ATP11A: variants seen among roughly 807,000 people sequenced by gnomAD.
ATP11A encodes phospholipid-transporting ATPase IH.
In ATP11A, 81 loss-of-function variants were observed where a neutral mutation model predicts 154.4. That is an observed-to-expected ratio of 0.52 (90% CI 0.44 to 0.63). The LOEUF (loss-of-function observed/expected upper bound fraction) is 0.63. ATP11A is among the 30% of genes least tolerant of loss of function. ATP11A has a pLI of 0.00. For synonymous variants in ATP11A, 623 were observed against 585.9 expected (o/e 1.06, Z -0.91); for missense variants, 1,316 against 1,474.3 (o/e 0.89, Z 1.76).
chr13:112,822,928 C>T (rs898513132), intron 8 of ATP11A, among the ~76,000 whole-genome samples: 1 of 152,142 alleles, frequency 6.6e-6, no homozygotes, highest in Non-Finnish European at 1.5e-5. Flanking sequence ...CTCGGTAGGC[C>T]TGGGACGATC....
At chr13:112,861,898 A>ATC (rs1481546284) in intron 24 of ATP11A, among the ~76,000 whole-genome samples, 1 of 151,774 alleles carries the variant, frequency 6.6e-6, no homozygotes, top group Non-Finnish European at 1.5e-5. Flanking sequence ...ATGGGAATAA[A>ATC]TCTAAGAAAA....
rs955084647 is a variant in ATP11A at position 112,696,402 on chromosome 13, C to T, written c.39+5947C>T. 4.6e-5 allele frequency among the ~76,000 whole-genome samples: 7 copies of T among 152,098 alleles called. No homozygotes were observed. The highest frequency in any genetic ancestry group is 7.4e-5 in the Non-Finnish European group (5 of 68,018). On this transcript the variant is annotated intron_variant, in intron 1 of 29. Transcript: ENST00000375645. The surrounding 1 kb of genome is among the most constrained non-coding windows in gnomAD (Gnocchi z 6.2). Reference sequence around the variant, plus strand: ...CACTGGTGGGAACGCCCCTGCCACGCCCAGCAGCCTTTCTGCCTCTGCGCT... The same window carrying T: ...CACTGGTGGGAACGCCCCTGCCACGTCCAGCAGCCTTTCTGCCTCTGCGCT...
Position 112,882,206 on chromosome 13 carries a change from TG to T in ATP11A, c.*342del, listed in dbSNP as rs2080903138. On this transcript the variant is annotated 3_prime_UTR_variant, in exon 30 of 30. Coordinates refer to ENST00000375645, the MANE Select transcript of ATP11A (RefSeq NM_015205.3). This position sits in a 1 kb window ranked among gnomAD's most constrained non-coding sequence, Gnocchi z 5.1. ...CACTGTGGTTGTTGAGCCACACCAG[TG>T]GCCTCTGGGCATTCGGCTCAACGCA... The T allele has an allele frequency of 9.0e-7, 1 of 1,109,750 alleles. No homozygotes were observed. Among genetic ancestry groups the T allele is most frequent in the East Asian group, 4.9e-5 (1 of 20,490 alleles). 68.7% of individuals were successfully genotyped at this position (1,109,750 alleles called of 1,614,324 possible). A position where few individuals can be genotyped will look rare whatever the true frequency, so the allele number is the denominator to read the frequency against.
intron 2 of ATP11A, among the ~76,000 whole-genome samples, chr13:112,798,832 A>G (rs1594736160): frequency 6.6e-6 from 1 of 152,260 alleles, no homozygotes; most frequent in South Asian, 2.1e-4. Flanking sequence ...CTATATTAAT[A>G]ATCACTTTAA....
intron 1 of ATP11A, among the ~76,000 whole-genome samples, chr13:112,716,870 G>T (rs977217893): frequency 6.6e-6 from 1 of 152,128 alleles, no homozygotes; most frequent in Non-Finnish European, 1.5e-5. Flanking sequence ...AGATGGCTAT[G>T]TGCAAAATAA....
intron 1 of ATP11A, among the ~76,000 whole-genome samples, chr13:112,765,150 C>A (rs529228887): frequency 1.8e-5 from 1 of 56,520 alleles, no homozygotes; most frequent in Non-Finnish European, 3.5e-5. Context: ...CTTGCCCCCC[C>A]TCCCCCCCGC....
In ATP11A at chr13:112,858,396, G is replaced by A. The variant is rs578232846; in HGVS notation, c.2667+106G>A. 5.5e-4 allele frequency: 649 copies of A among 1,186,024 alleles called. 13 individuals are homozygous for A. In the South Asian group the frequency reaches 8.0e-3, roughly 15 times the overall value. The allele number at this position is 1,186,024 out of a possible 1,614,324, so 73.5% of individuals were successfully genotyped here. On this transcript the variant is annotated intron_variant, in intron 22 of 29. Transcript: ENST00000375645. ...ATGCCACAAGAGGTCATTGATCTCCGAGGAGCAGCAACTGTCAGAAAGGAA... is the reference window on the plus strand; with the variant it reads ...ATGCCACAAGAGGTCATTGATCTCCAAGGAGCAGCAACTGTCAGAAAGGAA...
chr13:112,852,780 G>T (rs1043390057), intron 18 of ATP11A, among the ~76,000 whole-genome samples: 1 of 128,260 alleles, frequency 7.8e-6, no homozygotes, highest in Non-Finnish European at 1.7e-5. Context: ...TTAATGCCTG[G>T]TTGGCGGGGG....
intron 1 of ATP11A, among the ~76,000 whole-genome samples, chr13:112,756,046 G>A (rs768476118): frequency 1.3e-5 from 2 of 152,134 alleles, no homozygotes; most frequent in Non-Finnish European, 2.9e-5. Context: ...GGTCACGGAA[G>A]CGTCACTCAG....
At chr13:112,707,839 C>T (rs1887320691) in intron 1 of ATP11A, among the ~76,000 whole-genome samples, 1 of 152,202 alleles carries the variant, frequency 6.6e-6, no homozygotes, top group Non-Finnish European at 1.5e-5. Context: ...CAAAGCCAAA[C>T]TTGCACCAAA....
Position 112,842,522 on chromosome 13 carries a change from A to G in ATP11A, c.1809+143A>G, listed in dbSNP as rs547663346. 215 of 717,576 alleles carry G rather than the reference A, an allele frequency of 3.0e-4. 1 individual carries two copies. The African/African-American group carries it at 3.4e-3, about 11-fold the overall frequency. 44.5% of individuals were successfully genotyped at this position (717,576 alleles called of 1,614,324 possible). ...TAGAAATCAGCTGGGCCAGAGGCAG[A>G]CAGACAGGCAGCCTCAGCCGGCACC... is the stretch of plus-strand genomic sequence containing the variant. On this transcript the variant is annotated intron_variant, in intron 17 of 29. Transcript: ENST00000375645.
chr13:112,784,615 C>T (rs1009078480), intron 1 of ATP11A, among the ~76,000 whole-genome samples: 11 of 151,966 alleles, frequency 7.2e-5, no homozygotes, highest in African/African-American at 1.9e-4. Flanking sequence ...CTCCACCTCC[C>T]GGGTTCACGC....
At chr13:112,739,110 A>G (rs1891282371) in intron 1 of ATP11A, among the ~76,000 whole-genome samples, 1 of 152,130 alleles carries the variant, frequency 6.6e-6, no homozygotes, top group African/African-American at 2.4e-5. Flanking sequence ...CCAAAGAAAA[A>G]GATAGATAAA....
At chr13:112,745,666 A>G (rs971114945) in intron 1 of ATP11A, 1 of 152,224 alleles carries the variant, frequency 6.6e-6, no homozygotes, top group Non-Finnish European at 1.5e-5. Context: ...AAGCCAAAAA[A>G]ACAAAAGGAT....
At chr13:112,844,283 A>T (rs555330503) in intron 17 of ATP11A, among the ~76,000 whole-genome samples, 20 of 152,322 alleles carry the variant, frequency 1.3e-4, no homozygotes, top group African/African-American at 4.8e-4. Flanking sequence ...CGCATGGATT[A>T]TGTGAATTGT....
At chr13:112,717,570 T>TACAA (rs2139609617) in intron 1 of ATP11A, 1 of 152,376 alleles carries the variant, frequency 6.6e-6, no homozygotes, top group East Asian at 1.9e-4. Context: ...CATTGTACAT[T>TACAA]ACAAACACTA....
At chr13:112,780,210 C>T (rs1236485208) in intron 1 of ATP11A, among the ~76,000 whole-genome samples, 2 of 152,042 alleles carry the variant, frequency 1.3e-5, no homozygotes, top group Non-Finnish European at 2.9e-5. Context: ...GCATGCAATC[C>T]GTTGGTTCCA....
At chr13:112,739,032 AG>A (rs921962669) in intron 1 of ATP11A, among the ~76,000 whole-genome samples, 1 of 152,246 alleles carries the variant, frequency 6.6e-6, no homozygotes, top group Non-Finnish European at 1.5e-5. Context: ...CAGAAAACAC[AG>A]GGACAAATCA....
chr13:112,883,739 G>A lies in ATP11A; in HGVS notation c.*1873G>A, dbSNP rs2080932523. Reference sequence around the variant, plus strand: ...GAGGGGCCAGCCGCAGGCGTCCCCAGGGCCACCCTGCCCTGAGGTCCTTGT... The same window carrying A: ...GAGGGGCCAGCCGCAGGCGTCCCCAAGGCCACCCTGCCCTGAGGTCCTTGT... On this transcript the variant is annotated 3_prime_UTR_variant, in exon 30 of 30. Transcript: ENST00000375645. 1.3e-5 allele frequency: 2 copies of A among 152,622 alleles called. No individual in the cohort carries two copies. The highest frequency in any genetic ancestry group is 4.1e-4 in the South Asian group (2 of 4,834). The allele number at this position is 152,622 out of a possible 1,614,324, so 9.5% of individuals were successfully genotyped here. A position where few individuals can be genotyped will look rare whatever the true frequency, so the allele number is the denominator to read the frequency against.
Sources: gnomAD v4.1 joint callset for allele counts (sites outside exome capture counted in the v4.1 genomes callset) on GRCh38, gnomAD v4.1.1 for gene constraint, Gnocchi (gnomAD v3.1) non-coding constraint, MANE v1.5 for transcripts, NCBI Gene and HGNC (gene_info 2026-07-23, HGNC 2026-07-21) for gene names.